Variants in RORC observed in about 807,000 individuals in gnomAD.
The protein encoded by RORC is nuclear receptor ROR-gamma.
Under a neutral mutation model 64.5 loss-of-function variants are expected in RORC, and 13 were observed. That is an observed-to-expected ratio of 0.20 (90% CI 0.13 to 0.32). RORC has a LOEUF of 0.32. RORC is among the 10% of genes least tolerant of loss of function. RORC has a pLI of 1.00. For synonymous variants in RORC, 277 were observed against 259.3 expected (o/e 1.07, Z -0.65); for missense variants, 468 against 669.5 (o/e 0.70, Z 3.32).
intron 2 of RORC, among the ~76,000 whole-genome samples, chr1:151,817,862 G>A (rs1297913718): frequency 6.6e-6 from 1 of 152,236 alleles, no homozygotes; most frequent in African/African-American, 2.4e-5. Flanking sequence ...AGGAAACGGG[G>A]GCTCAACACC....
intron 2 of RORC, among the ~76,000 whole-genome samples, chr1:151,828,268 G>T (rs886468183): frequency 6.6e-6 from 1 of 152,188 alleles, no homozygotes; most frequent in Non-Finnish European, 1.5e-5. Flanking sequence ...TCAAGGGACG[G>T]CTATGGAGAA....
At chr1:151,824,383 T>C (rs189265998) in intron 2 of RORC, among the ~76,000 whole-genome samples, 1 of 152,296 alleles carries the variant, frequency 6.6e-6, no homozygotes, top group African/African-American at 2.4e-5. Context: ...GCTGCTGGGC[T>C]AGAAGCACAC....
At chr1:151,820,251 G>A (rs531263583) in intron 2 of RORC, among the ~76,000 whole-genome samples, 1 of 152,224 alleles carries the variant, frequency 6.6e-6, no homozygotes, top group African/African-American at 2.4e-5. Context: ...GGGTGGGGGA[G>A]AACGGGAAGG....
At chr1:151,825,783 AC>A in intron 2 of RORC, 1 of 856,348 alleles carries the variant, frequency 1.2e-6, no homozygotes, top group Non-Finnish European at 1.8e-6. Context: ...CAGCTGCTCC[AC>A]CCATCTCCCA....
intron 2 of RORC, among the ~76,000 whole-genome samples, chr1:151,829,032 G>A (rs1398233158): frequency 2.0e-5 from 3 of 150,026 alleles, no homozygotes; most frequent in African/African-American, 4.9e-5. Flanking sequence ...TGGCAGCAGC[G>A]CTGAGTTCCT....
chr1:151,814,489 G>C, intron 6 of RORC, 85 bp downstream of exon 6: 6 of 1,441,700 alleles, frequency 4.2e-6, no homozygotes, highest in Non-Finnish European at 5.7e-6. Context: ...CCTGCCCCAG[G>C]ACCCAGTCGT....
chr1:151,813,689 C>T (rs2101656742), intron 6 of RORC, 69 bp from the exon 7 acceptor site: 3 of 1,560,336 alleles, frequency 1.9e-6, no homozygotes, highest in Non-Finnish European at 2.6e-6. Context: ...AGCCCTGGAG[C>T]CCCACCTAAT....
chr1:151,821,722 G>A (rs969860316), intron 2 of RORC, among the ~76,000 whole-genome samples: 1 of 152,196 alleles, frequency 6.6e-6, no homozygotes, highest in Non-Finnish European at 1.5e-5. Context: ...ATGAGGATAA[G>A]ACGCCCAAAT....
intron 10 of RORC, among the ~76,000 whole-genome samples, chr1:151,808,521 G>A (rs1651399871): frequency 6.6e-6 from 1 of 152,130 alleles, no homozygotes. Context: ...CAGGCAGCAG[G>A]GTGTGATCCC....
At position 151,806,158 on chromosome 1, in the gene RORC, C is replaced by T. The variant is rs1651291704; in HGVS notation, c.*1314G>A. 6.5e-6 allele frequency: 1 copy of T among 152,918 alleles called. No individual in the cohort carries two copies. Among genetic ancestry groups the T allele is most frequent in the Non-Finnish European group, 1.5e-5 (1 of 68,052 alleles). 9.5% of individuals were successfully genotyped at this position (152,918 alleles called of 1,614,324 possible). A position where few individuals can be genotyped will look rare whatever the true frequency, so the allele number is the denominator to read the frequency against. On this transcript the variant is annotated 3_prime_UTR_variant, in exon 11 of 11. Coordinates refer to ENST00000318247, the MANE Select transcript of RORC (RefSeq NM_005060.4). ...CCCGTCCCCTTAGAGGACACAATCCCACCCCCAACCCCCCCAACTCCACGA... is the reference window on the plus strand; with the variant it reads ...CCCGTCCCCTTAGAGGACACAATCCTACCCCCAACCCCCCCAACTCCACGA...
Position 151,815,226 on chromosome 1 carries a change from C to A in RORC, c.498G>T (p.Leu166=), listed in dbSNP as rs370026133. The A allele has an allele frequency of 1.9e-6, 3 of 1,613,184 alleles. No individual in the cohort carries two copies. The East Asian group carries it at 6.7e-5, about 36-fold the overall frequency. Residue 166 remains leucine (L), a synonymous_variant, in exon 5 of 11, where the codon CTG becomes CTT. Coordinates refer to ENST00000318247, the MANE Select transcript of RORC (RefSeq NM_005060.4). ...CAGGGGGACAGGCAGAAGCCTCAGG[C>A]AGGTCAGGCGAGGAGCCCAGGGGCA... The part of the protein sequence containing the change: ...GQLPLGSSPD[L]PEASACPPGL...
At position 151,816,680 on chromosome 1, in the gene RORC, C is replaced by G; in HGVS notation, c.282G>C (p.Leu94=). ...TGGCCTCACCATCTCGGGACATGCC[C>G]AGCGCCAGGCATTTCTGCAGGCGGC... ...QHCRLQKCLA[L]GMSRDAVKFG... The change falls in exon 4 of 11, where the codon CTG becomes CTC. Residue 94 remains leucine, a synonymous_variant. Transcript: ENST00000318247. The G allele has an allele frequency of 1.2e-6, 2 of 1,605,634 alleles. No homozygotes were observed. Among genetic ancestry groups the G allele is most frequent in the Non-Finnish European group, 1.7e-6 (2 of 1,176,416 alleles).
chr1:151,813,755 C>A (rs1392376010), intron 6 of RORC, 135 bp from the exon 7 acceptor site: 2 of 1,006,494 alleles, frequency 2.0e-6, no homozygotes, highest in East Asian at 2.6e-5. Context: ...TTTTCAAAAG[C>A]CTGGTCTTAG....
In RORC at chr1:151,811,444, G is replaced by A. The variant is rs769733906; in HGVS notation, c.1286-10C>T. 7 of 1,563,112 alleles carry A rather than the reference G, an allele frequency of 4.5e-6. No individual in the cohort carries two copies. The highest frequency in any genetic ancestry group is 4.4e-6 in the Non-Finnish European group (5 of 1,134,682). On this transcript the variant is annotated splice_polypyrimidine_tract_variant and intron_variant, in intron 9 of 10. Coordinates refer to ENST00000318247, the MANE Select transcript of RORC (RefSeq NM_005060.4). ...TGGAGCCCTGGCCGATCTGGAGGAG[G>A]GGGTGGGACCGTAATGAGAACAAGA...
intron 2 of RORC, among the ~76,000 whole-genome samples, chr1:151,823,568 C>T (rs557926817): frequency 3.3e-5 from 5 of 152,154 alleles, no homozygotes; most frequent in African/African-American, 2.4e-5. Context: ...CTTTTCTCTC[C>T]GCCTCTCCCT....
intron 9 of RORC, 117 bp from the exon 10 acceptor site, chr1:151,811,551 C>A: frequency 1.7e-6 from 1 of 588,026 alleles, no homozygotes; most frequent in Admixed American, 2.9e-5. Context: ...AAGCTGAGCG[C>A]GTGCATGTGT....
chr1:151,807,363 G>A lies in RORC; in HGVS notation c.*109C>T, dbSNP rs1651354686. The A allele has an allele frequency of 2.6e-6, 3 of 1,150,834 alleles. No homozygotes were observed. The highest frequency in any genetic ancestry group is 3.7e-6 in the Non-Finnish European group (3 of 817,274). The allele number at this position is 1,150,834 out of a possible 1,614,324, so 71.3% of individuals were successfully genotyped here. ...ATCTGCTCACTTCCAAAGAGCTGGTGGGGACCACCCTCCAGGGTTCATGGG... is the reference window on the plus strand; with the variant it reads ...ATCTGCTCACTTCCAAAGAGCTGGTAGGGACCACCCTCCAGGGTTCATGGG... On this transcript the variant is annotated 3_prime_UTR_variant, in exon 11 of 11. Coordinates refer to ENST00000318247, the MANE Select transcript of RORC (RefSeq NM_005060.4). The surrounding 1 kb of genome is among the most constrained non-coding windows in gnomAD (Gnocchi z 5.0).
intron 4 of RORC, among the ~76,000 whole-genome samples, chr1:151,816,000 T>G (rs1428229986): frequency 2.0e-5 from 3 of 151,138 alleles, no homozygotes; most frequent in Non-Finnish European, 2.9e-5. Flanking sequence ...TCGCCCCGCC[T>G]GCCCCTTTGC....
At chr1:151,816,278 T>C (rs1651751288) in intron 4 of RORC, among the ~76,000 whole-genome samples, 1 of 152,026 alleles carries the variant, frequency 6.6e-6, no homozygotes, top group South Asian at 2.1e-4. Flanking sequence ...TGTCCAAGTA[T>C]GGGAATGGGG....
Sources: gnomAD v4.1 joint callset for allele counts (sites outside exome capture counted in the v4.1 genomes callset) on GRCh38, gnomAD v4.1.1 for gene constraint, Gnocchi (gnomAD v3.1) non-coding constraint, MANE v1.5 for transcripts, NCBI Gene and HGNC (gene_info 2026-07-23, HGNC 2026-07-21) for gene names.